Variants in DCC observed in about 807,000 individuals in gnomAD.
DCC encodes the protein DCC netrin 1 receptor, also known as netrin receptor DCC.
In DCC, 58 loss-of-function variants were observed where a neutral mutation model predicts 172.5. The observed-to-expected ratio is 0.34, with a 90% CI of 0.27 to 0.42. DCC has a LOEUF of 0.42. DCC is among the 10% of genes least tolerant of loss of function. DCC has a pLI of 1.00. For synonymous variants in DCC, 709 were observed against 644.5 expected, an observed-to-expected ratio of 1.10 and a Z score of -1.52; for missense variants, 1,740 against 1,791.0, an observed-to-expected ratio of 0.97 and a Z score of 0.51.
chr18:53,009,619 G>T (rs757937728), intron 5 of DCC, among the ~76,000 whole-genome samples: 5 of 151,912 alleles, frequency 3.3e-5, no homozygotes, highest in African/African-American at 4.8e-5. Flanking sequence ...TTCTCTATCT[G>T]TATAGGTCAT....
chr18:53,247,450 G>A (rs540111643), intron 12 of DCC, among the ~76,000 whole-genome samples: 13 of 152,074 alleles, frequency 8.5e-5, no homozygotes, highest in Non-Finnish European at 1.5e-4. Context: ...TTTACAAACC[G>A]ACATTAAACT....
At chr18:52,440,698 T>A (rs1987946132) in intron 1 of DCC, among the ~76,000 whole-genome samples, 1 of 152,238 alleles carries the variant, frequency 6.6e-6, no homozygotes, top group African/African-American at 2.4e-5. Flanking sequence ...GAACATTAAC[T>A]TTTTCATTTC....
intron 7 of DCC, among the ~76,000 whole-genome samples, chr18:53,088,632 T>G (rs930244619): frequency 5.3e-5 from 8 of 152,154 alleles, no homozygotes; most frequent in African/African-American, 1.9e-4. Context: ...AGTAGCTGTT[T>G]TTTTGAAAGG....
chr18:52,913,467 T>C (rs2039998508), intron 3 of DCC, among the ~76,000 whole-genome samples: 1 of 152,080 alleles, frequency 6.6e-6, no homozygotes, highest in Non-Finnish European at 1.5e-5. Context: ...CATTCTAAAA[T>C]TAGTGATCTC....
chr18:53,079,972 T>A (rs1050959691), intron 7 of DCC, among the ~76,000 whole-genome samples: 3 of 152,098 alleles, frequency 2.0e-5, no homozygotes, highest in Non-Finnish European at 4.4e-5. Context: ...CTATGTGGGA[T>A]AGGGATGGCT....
At chr18:53,228,842 C>G (rs185147810) in intron 12 of DCC, among the ~76,000 whole-genome samples, 216 of 152,244 alleles carry the variant, frequency 1.4e-3, no homozygotes, top group African/African-American at 5.0e-3. Context: ...CCCTATTCCC[C>G]TAACACACAC....
At chr18:52,513,524 A>G (rs565766339) in intron 1 of DCC, among the ~76,000 whole-genome samples, 2 of 152,310 alleles carry the variant, frequency 1.3e-5, no homozygotes, top group Middle Eastern at 3.4e-3. Flanking sequence ...AAACAAACCT[A>G]TAAGTATTTG....
chr18:53,015,335 C>T (rs12455244), intron 5 of DCC, among the ~76,000 whole-genome samples: 17,733 of 152,084 alleles, frequency 0.12, 1,396 homozygotes, highest in East Asian at 0.31. Context: ...TGCATTTAGC[C>T]GAATTAAACA....
chr18:52,527,450 G>A (rs926206583), intron 1 of DCC, among the ~76,000 whole-genome samples: 5 of 152,176 alleles, frequency 3.3e-5, no homozygotes, highest in African/African-American at 1.2e-4. Flanking sequence ...TGGATGACAA[G>A]TTTGAGTAAT....
intron 1 of DCC, among the ~76,000 whole-genome samples, chr18:52,656,040 GTATATATATGTATATATGTGTA>G (rs2035242238): frequency 8.7e-6 from 1 of 115,448 alleles, no homozygotes; most frequent in Admixed American, 1.0e-4. Context: ...ATATATGTGT[GTATATATATGTATATATGTGTA>G]TATATATGTG....
At chr18:52,715,034 T>G (rs2036355388) in intron 1 of DCC, among the ~76,000 whole-genome samples, 1 of 152,194 alleles carries the variant, frequency 6.6e-6, no homozygotes, top group East Asian at 1.9e-4. Flanking sequence ...ATTATTGGAC[T>G]AGCAGTTAGG....
intron 7 of DCC, among the ~76,000 whole-genome samples, chr18:53,093,520 C>A (rs943738043): frequency 3.3e-5 from 5 of 151,986 alleles, no homozygotes; most frequent in Admixed American, 6.6e-5. Flanking sequence ...GAACTCTGAC[C>A]CCCTAAAAAG....
chr18:52,697,714 T>G (rs561666399), intron 1 of DCC, among the ~76,000 whole-genome samples: 1 of 152,228 alleles, frequency 6.6e-6, no homozygotes, highest in Non-Finnish European at 1.5e-5. Context: ...ATAAGTGCAT[T>G]GTTAAGTAGA....
chr18:53,045,680 G>A (rs754335181), intron 5 of DCC, among the ~76,000 whole-genome samples: 2 of 151,872 alleles, frequency 1.3e-5, no homozygotes, highest in Non-Finnish European at 2.9e-5. Flanking sequence ...TTGCCCTGCT[G>A]TTAAACATGC....
intron 2 of DCC, among the ~76,000 whole-genome samples, chr18:52,861,720 G>C (rs1316572122): frequency 6.6e-6 from 1 of 152,080 alleles, no homozygotes; most frequent in Admixed American, 6.6e-5. Flanking sequence ...AACTTATTCT[G>C]CTTGCTGTTG....
chr18:52,809,650 C>T (rs975995555), intron 2 of DCC, among the ~76,000 whole-genome samples: 15 of 152,106 alleles, frequency 9.9e-5, no homozygotes, highest in East Asian at 1.9e-4. Context: ...TCTGTGATGG[C>T]GGCAAACAGC....
At chr18:53,155,565 T>TC (rs1465297745) in intron 7 of DCC, among the ~76,000 whole-genome samples, 1 of 152,186 alleles carries the variant, frequency 6.6e-6, no homozygotes, top group African/African-American at 2.4e-5. Flanking sequence ...TATTATTAAT[T>TC]CCCCCAATTT....
intron 2 of DCC, among the ~76,000 whole-genome samples, chr18:52,880,569 G>A (rs1052389710): frequency 1.3e-5 from 2 of 152,024 alleles, no homozygotes; most frequent in African/African-American, 4.8e-5. Context: ...GAGGTCAATT[G>A]TTTTGATATT....
intron 8 of DCC, among the ~76,000 whole-genome samples, chr18:53,159,835 A>G (rs1425457679): frequency 6.6e-6 from 1 of 152,140 alleles, no homozygotes; most frequent in Non-Finnish European, 1.5e-5. Context: ...TTTTTGGTAA[A>G]AGGAATAAAA....
Sources: gnomAD v4.1 joint callset for allele counts (sites outside exome capture counted in the v4.1 genomes callset) on GRCh38, gnomAD v4.1.1 for gene constraint, MANE v1.5 for transcripts, NCBI Gene and HGNC (gene_info 2026-07-23, HGNC 2026-07-21) for gene names.